The following RANBP10 variants were observed in gnomAD, a reference collection of about 807,000 sequenced individuals.
RANBP10 encodes the protein ran-binding protein 10.
In RANBP10, 24 loss-of-function variants were observed where a neutral mutation model predicts 72.8. That is an observed-to-expected ratio of 0.33 (90% confidence interval 0.24 to 0.46). The LOEUF is 0.46. Ranked by LOEUF, RANBP10 falls within the 20% of genes least tolerant of loss-of-function variation. The pLI is 1.00. For missense variants in RANBP10, 679 were observed against 817.5 expected, an observed-to-expected ratio of 0.83 and a Z score of 2.07; for synonymous variants, 310 against 322.3, an observed-to-expected ratio of 0.96 and a Z score of 0.41.
At chr16:67,757,103 G>A (rs538620703) in intron 3 of RANBP10, among the ~76,000 whole-genome samples, 1 of 152,280 alleles carries the variant, frequency 6.6e-6, no homozygotes, top group African/African-American at 2.4e-5. Context: ...AGCTATTTGG[G>A]AGGCTGAGGC....
chr16:67,727,786 A>G lies in RANBP10; in HGVS notation c.1585T>C (p.Tyr529His), dbSNP rs142329294. 5.9e-5 allele frequency: 96 copies of G among 1,613,910 alleles called. No individual in the cohort carries two copies. In the African/African-American group the frequency reaches 1.1e-3, roughly 19 times the overall value. The change falls in exon 12 of 14, where the codon TAC becomes CAC. Residue 529 changes from tyrosine to histidine, a missense_variant. Physicochemically the swap from Tyr to His is moderately conservative, Grantham distance 83. Transcript: ENST00000317506. ...QALSEQLGRE[Y>H]GKNLAHTEML... ...TCTGTGTGGGCCAAATTCTTGCCGT[A>G]CTCCCGGCCCAACTGCTCACTCAAT...
At chr16:67,749,142 G>A (rs2143007311) in intron 3 of RANBP10, among the ~76,000 whole-genome samples, 1 of 152,266 alleles carries the variant, frequency 6.6e-6, no homozygotes, top group South Asian at 2.1e-4. Context: ...AGGGCCAAGG[G>A]CTGACAAGAG....
intron 5 of RANBP10, among the ~76,000 whole-genome samples, chr16:67,735,385 A>C (rs1209609524): frequency 6.6e-6 from 1 of 152,208 alleles, no homozygotes; most frequent in African/African-American, 2.4e-5. Context: ...CGTGCCCATG[A>C]AGGTCTGCTG....
chr16:67,782,847 A>C (rs1390795646), intron 2 of RANBP10, among the ~76,000 whole-genome samples: 1 of 152,244 alleles, frequency 6.6e-6, no homozygotes, highest in Non-Finnish European at 1.5e-5. Context: ...AGCCACTTTT[A>C]AGAGCCATCT....
chr16:67,744,045 G>A (rs2054020174), intron 4 of RANBP10: 4 of 968,280 alleles, frequency 4.1e-6, no homozygotes, highest in Non-Finnish European at 4.9e-6. Context: ...CCAAGATCAC[G>A]ACCAGGATAC....
In RANBP10 at chr16:67,724,247, A is replaced by G. The variant is rs1284405990; in HGVS notation, c.*2181T>C. 6.6e-6 allele frequency: 1 copy of G among 152,248 alleles called. No individual in the cohort carries two copies. Among genetic ancestry groups the G allele is most frequent in the Non-Finnish European group, 1.5e-5 (1 of 68,050 alleles). 9.4% of individuals were successfully genotyped at this position (152,248 alleles called of 1,614,324 possible). A position where few individuals can be genotyped will look rare whatever the true frequency, so the allele number is the denominator to read the frequency against. On this transcript the variant is annotated 3_prime_UTR_variant, in exon 14 of 14. Coordinates refer to ENST00000317506, the MANE Select transcript of RANBP10 (RefSeq NM_020850.3). ...TGACCCCTCATGGGGTTTATCTGCC[A>G]TTCGGTTTCAGGACTAAATAGTGTT...
rs1472749795 is a variant in RANBP10 at position 67,737,706 on chromosome 16, T to C, written c.591+307A>G. Reference sequence around the variant, plus strand: ...GCACCCCAGCTGACACACAGCTGGTTTAGACCAGTTGAGCCATGGAGCTAT... The same window carrying C: ...GCACCCCAGCTGACACACAGCTGGTCTAGACCAGTTGAGCCATGGAGCTAT... On this transcript the variant is annotated intron_variant, in intron 5 of 13. Transcript: ENST00000317506. Among the ~76,000 whole-genome samples the C allele has an allele frequency of 2.0e-5, 3 of 151,946 alleles. No homozygotes were observed. The East Asian group carries it at 5.8e-4, about 30-fold the overall frequency.
intron 7 of RANBP10, chr16:67,731,248 A>T (rs2053724075): frequency 2.1e-6 from 1 of 481,708 alleles, no homozygotes; most frequent in Non-Finnish European, 3.8e-6. Context: ...CAGCCTTCAG[A>T]ATGTGCATTA....
At chr16:67,771,653 T>A (rs2054609878) in intron 3 of RANBP10, among the ~76,000 whole-genome samples, 1 of 152,182 alleles carries the variant, frequency 6.6e-6, no homozygotes, top group Non-Finnish European at 1.5e-5. Context: ...AAAACTTTGA[T>A]CTTTAACACG....
At chr16:67,749,288 C>A (rs1435826948) in intron 3 of RANBP10, among the ~76,000 whole-genome samples, 1 of 152,198 alleles carries the variant, frequency 6.6e-6, no homozygotes, top group African/African-American at 2.4e-5. Context: ...CCTGAGCTTT[C>A]ACATCTTTTT....
intron 2 of RANBP10, among the ~76,000 whole-genome samples, chr16:67,776,843 G>A (rs149859205): frequency 6.6e-6 from 1 of 151,110 alleles, no homozygotes; most frequent in Non-Finnish European, 1.5e-5. Flanking sequence ...CTTTTCAGTT[G>A]TATTGCTACA....
intron 2 of RANBP10, among the ~76,000 whole-genome samples, chr16:67,798,386 GTCTCTCA>G (rs2055172053): frequency 6.6e-6 from 1 of 152,176 alleles, no homozygotes; most frequent in African/African-American, 2.4e-5. Context: ...AGCCACAGCT[GTCTCTCA>G]GCTGGAAGGG....
intron 3 of RANBP10, among the ~76,000 whole-genome samples, chr16:67,751,102 T>C (rs2054187501): frequency 6.6e-6 from 1 of 152,166 alleles, no homozygotes; most frequent in Non-Finnish European, 1.5e-5. Context: ...CAGTAGATAC[T>C]CTAGAAAACC....
intron 2 of RANBP10, among the ~76,000 whole-genome samples, chr16:67,795,333 A>C (rs2055110152): frequency 6.6e-6 from 1 of 151,810 alleles, no homozygotes; most frequent in Admixed American, 6.6e-5. Flanking sequence ...TAAGGTCGGG[A>C]GTTCAAGACC....
At chr16:67,752,154 T>C (rs150915408) in intron 3 of RANBP10, among the ~76,000 whole-genome samples, 22 of 152,284 alleles carry the variant, frequency 1.4e-4, no homozygotes, top group Non-Finnish European at 1.9e-4. Flanking sequence ...ACCCCAAAGA[T>C]GTCCATGGTC....
intron 2 of RANBP10, among the ~76,000 whole-genome samples, chr16:67,780,560 C>A (rs564762340): frequency 5.9e-5 from 9 of 152,186 alleles, no homozygotes; most frequent in East Asian, 5.8e-4. Context: ...CCAGCCTAGA[C>A]AACATAACAA....
At chr16:67,758,407 A>T (rs2054330520) in intron 3 of RANBP10, among the ~76,000 whole-genome samples, 1 of 152,186 alleles carries the variant, frequency 6.6e-6, no homozygotes, top group Admixed American at 6.5e-5. Context: ...GCCTCCTGGG[A>T]AAGTCATTGG....
intron 4 of RANBP10, among the ~76,000 whole-genome samples, chr16:67,740,921 G>C (rs897504806): frequency 3.3e-5 from 5 of 152,130 alleles, no homozygotes; most frequent in African/African-American, 1.2e-4. Flanking sequence ...AGACCCCAAT[G>C]TCCACCCTCC....
chr16:67,790,487 T>C (rs1013108738), intron 2 of RANBP10, among the ~76,000 whole-genome samples: 7 of 151,550 alleles, frequency 4.6e-5, no homozygotes, highest in Non-Finnish European at 8.8e-5. Flanking sequence ...CACACACACA[T>C]ACACAGAGAC....
Sources: gnomAD v4.1 joint callset for allele counts (sites outside exome capture counted in the v4.1 genomes callset) on GRCh38, gnomAD v4.1.1 for gene constraint, MANE v1.5 for transcripts, NCBI Gene and HGNC (gene_info 2026-07-23, HGNC 2026-07-21) for gene names.